ARIH2: variants seen among roughly 807,000 people sequenced by gnomAD.
ARIH2 encodes ariadne RBR E3 ubiquitin protein ligase 2, also known as E3 ubiquitin-protein ligase ARIH2.
Under a neutral mutation model 79.8 loss-of-function variants are expected in ARIH2, and 12 were observed. The observed-to-expected ratio is 0.15, with a 90% CI of 0.10 to 0.24. The LOEUF is 0.24. Ranked by LOEUF, ARIH2 falls within the 10% of genes least tolerant of loss-of-function variation. The pLI is 1.00. For synonymous variants in ARIH2, 224 were observed against 213.9 expected (o/e 1.05, Z -0.41); for missense variants, 301 against 618.3 (o/e 0.49, Z 5.44).
At chr3:48,951,320 T>C (rs1288599014) in intron 3 of ARIH2, among the ~76,000 whole-genome samples, 1 of 152,138 alleles carries the variant, frequency 6.6e-6, no homozygotes, top group Non-Finnish European at 1.5e-5. Context: ...AGTGTTTTTT[T>C]TCCCCCTGTG....
At chr3:48,941,641 G>A (rs1268541243) in intron 3 of ARIH2, among the ~76,000 whole-genome samples, 2 of 144,876 alleles carry the variant, frequency 1.4e-5, no homozygotes, top group Non-Finnish European at 3.0e-5. Flanking sequence ...CGCCCAGGCT[G>A]GAGTGCAGTG....
At chr3:48,929,321 G>A (rs553247749) in intron 3 of ARIH2, among the ~76,000 whole-genome samples, 106 of 151,822 alleles carry the variant, frequency 7.0e-4, no homozygotes, top group African/African-American at 2.4e-3. Context: ...CTGTCCGTCC[G>A]TCCGTCCGTC....
At chr3:48,970,435 C>G (rs2092151716) in intron 7 of ARIH2, among the ~76,000 whole-genome samples, 160 bp from the exon 8 acceptor site, 2 of 152,246 alleles carry the variant, frequency 1.3e-5, no homozygotes. Context: ...TCTTTAATAT[C>G]TGGCTTACGT....
intron 3 of ARIH2, among the ~76,000 whole-genome samples, chr3:48,956,680 G>A (rs6446188): frequency 2.3e-5 from 1 of 44,044 alleles, no homozygotes; most frequent in Non-Finnish European, 4.6e-5. Context: ...GTGTGTGTGT[G>A]TGTGTGTGTG....
At chr3:48,942,708 A>G (rs897160055) in intron 3 of ARIH2, among the ~76,000 whole-genome samples, 5 of 144,384 alleles carry the variant, frequency 3.5e-5, no homozygotes, top group Admixed American at 2.8e-4. Flanking sequence ...CTGGAGTGCA[A>G]TGGCACGATC....
chr3:48,958,438 A>G (rs774808835), intron 3 of ARIH2, among the ~76,000 whole-genome samples: 29 of 152,084 alleles, frequency 1.9e-4, no homozygotes, highest in Admixed American at 1.3e-4. Context: ...TAGGCCGGGC[A>G]CGGTGGCTCA....
At chr3:48,943,658 G>A (rs1232211134) in intron 3 of ARIH2, 1 of 152,112 alleles carries the variant, frequency 6.6e-6, no homozygotes, top group Non-Finnish European at 1.5e-5. Context: ...TAAAAATAGG[G>A]TTATATGTTT....
chr3:48,970,837 A>AGTGG (rs1404806671), intron 8 of ARIH2, 133 bp downstream of exon 8: 4 of 637,200 alleles, frequency 6.3e-6, no homozygotes, highest in Non-Finnish European at 1.1e-5. Flanking sequence ...CTGTGCTCCA[A>AGTGG]GTGGGTAGGT....
intron 3 of ARIH2, among the ~76,000 whole-genome samples, chr3:48,943,807 A>T (rs1241222989): frequency 6.6e-6 from 1 of 152,146 alleles, no homozygotes; most frequent in Non-Finnish European, 1.5e-5. Context: ...TGGTACTACC[A>T]TCTTATTGGT....
intron 3 of ARIH2, among the ~76,000 whole-genome samples, chr3:48,956,684 GT>G (rs2090624328): frequency 6.8e-6 from 1 of 147,904 alleles, no homozygotes. Context: ...GTGTGTGTGT[GT>G]GTGTGTGTGT....
intron 2 of ARIH2, 46 bp downstream of exon 2, chr3:48,922,857 CCAT>C (rs1319994035): frequency 6.6e-6 from 1 of 152,056 alleles, no homozygotes; most frequent in East Asian, 1.9e-4. Flanking sequence ...AGAAAAAACA[CCAT>C]CGTTAAGTTT....
intron 13 of ARIH2, among the ~76,000 whole-genome samples, chr3:48,981,427 T>C (rs2092748409): frequency 6.6e-6 from 1 of 152,178 alleles, no homozygotes; most frequent in Non-Finnish European, 1.5e-5. Flanking sequence ...AGGCAGCTGC[T>C]GATAATCAGT....
chr3:48,974,930 C>T (rs2092422341), intron 10 of ARIH2, 28 bp from the exon 11 acceptor site: 3 of 1,613,960 alleles, frequency 1.9e-6, no homozygotes, highest in East Asian at 2.2e-5. Flanking sequence ...GTGCCCTTAA[C>T]GTGTTTTCTT....
At position 48,960,735 on chromosome 3, in the gene ARIH2, G is replaced by A. The variant is rs530484935; in HGVS notation, c.256-877G>A. Among the ~76,000 whole-genome samples the A allele has an allele frequency of 1.8e-3, 269 of 150,024 alleles. 2 individuals carry two copies. Among genetic ancestry groups the A allele is most frequent in the African/African-American group, 6.3e-3 (258 of 40,726 alleles). Reference sequence around the variant, plus strand: ...GCCGAGGTCATGCCACTGCACTCCAGCCTGGGTGACAAAGACTGTCTCAAA... The same window carrying A: ...GCCGAGGTCATGCCACTGCACTCCAACCTGGGTGACAAAGACTGTCTCAAA... On this transcript the variant is annotated intron_variant, in intron 3 of 15. Transcript: ENST00000356401.
chr3:48,928,723 T>C (rs561950534), intron 3 of ARIH2, among the ~76,000 whole-genome samples: 51 of 152,088 alleles, frequency 3.4e-4, no homozygotes, highest in Admixed American at 7.9e-4. Flanking sequence ...TATCTACTAG[T>C]TTAGGGATTT....
intron 6 of ARIH2, chr3:48,967,949 G>C (rs1474715869): frequency 1.3e-5 from 2 of 151,830 alleles, no homozygotes; most frequent in Non-Finnish European, 2.9e-5. Flanking sequence ...ATGCAACTTG[G>C]ATTTGTTGAC....
At chr3:48,931,028 A>G (rs562057333) in intron 3 of ARIH2, among the ~76,000 whole-genome samples, 3 of 152,302 alleles carry the variant, frequency 2.0e-5, no homozygotes, top group South Asian at 4.1e-4. Flanking sequence ...ATAGTATAGC[A>G]TAAAATTAAG....
chr3:48,965,821 C>T (rs2091741507), intron 5 of ARIH2, among the ~76,000 whole-genome samples: 1 of 152,014 alleles, frequency 6.6e-6, no homozygotes, highest in Non-Finnish European at 1.5e-5. Flanking sequence ...ATTAGCCAGG[C>T]CTGGTGGCGC....
intron 4 of ARIH2, 94 bp downstream of exon 4, chr3:48,961,773 C>G: frequency 1.3e-6 from 1 of 796,500 alleles, no homozygotes; most frequent in South Asian, 1.5e-5. Context: ...CGACTATATT[C>G]CAATGTGCAT....
Sources: allele counts gnomAD v4.1 joint callset (sites outside exome capture counted in the v4.1 genomes callset), GRCh38; gene constraint gnomAD v4.1.1; transcripts MANE v1.5; gene names NCBI Gene and HGNC (gene_info 2026-07-23, HGNC 2026-07-21).